STXBP6: variants seen among roughly 807,000 people sequenced by gnomAD.
STXBP6 encodes the protein syntaxin binding protein 6.
Under a neutral mutation model 26.9 loss-of-function variants are expected in STXBP6, and 21 were observed. The ratio of observed to expected loss-of-function variants is 0.78; its 90% CI spans 0.55 to 1.12. The LOEUF (loss-of-function observed/expected upper bound fraction) is 1.12, where lower values mean the gene tolerates loss of function less well. STXBP6 is among the 50% of genes most tolerant of loss of function. The pLI is 0.00. For synonymous variants in STXBP6, 97 were observed against 92.6 expected, an observed-to-expected ratio of 1.05 and a Z score of -0.27; for missense variants, 232 against 257.9, an observed-to-expected ratio of 0.90 and a Z score of 0.69.
At chr14:25,040,732 G>A (rs116207060) in intron 1 of STXBP6, among the ~76,000 whole-genome samples, 269 of 152,250 alleles carry the variant, frequency 1.8e-3, no homozygotes, top group African/African-American at 5.8e-3. Flanking sequence ...TGACAGACAC[G>A]CATAGTTTGT....
At chr14:24,932,384 A>G (rs1451467055) in intron 2 of STXBP6, among the ~76,000 whole-genome samples, 2 of 152,190 alleles carry the variant, frequency 1.3e-5, no homozygotes, top group African/African-American at 4.8e-5. Flanking sequence ...TTAGCCGGAC[A>G]TGGTGGTACA....
intron 1 of STXBP6, among the ~76,000 whole-genome samples, chr14:25,034,134 T>C (rs906058218): frequency 3.9e-5 from 6 of 152,192 alleles, no homozygotes; most frequent in Admixed American, 1.3e-4. Flanking sequence ...CCCTGTATGT[T>C]TGCTTTTGAT....
At chr14:24,915,471 C>T (rs1367895531) in intron 2 of STXBP6, among the ~76,000 whole-genome samples, 1 of 152,102 alleles carries the variant, frequency 6.6e-6, no homozygotes, top group Non-Finnish European at 1.5e-5. Flanking sequence ...AAACCAACCA[C>T]CATAAGATAC....
At chr14:24,974,589 A>G (rs1237976690) in intron 2 of STXBP6, 76 bp downstream of exon 2, 23 of 1,338,740 alleles carry the variant, frequency 1.7e-5, no homozygotes, top group Non-Finnish European at 2.3e-5. Flanking sequence ...GTGAATGTAA[A>G]CCTCCTGGAT....
chr14:24,966,278 G>A (rs572966052), intron 2 of STXBP6, among the ~76,000 whole-genome samples: 17 of 152,118 alleles, frequency 1.1e-4, no homozygotes, highest in Non-Finnish European at 2.2e-4. Context: ...TGAAGTCACT[G>A]ACAGCACATC....
intron 1 of STXBP6, among the ~76,000 whole-genome samples, chr14:25,000,814 A>G (rs533205224): frequency 1.3e-5 from 2 of 151,188 alleles, no homozygotes; most frequent in Admixed American, 6.6e-5. Context: ...GAATCCAGAC[A>G]GCCAGGCCTT....
At chr14:24,895,516 G>C (rs554192838) in intron 2 of STXBP6, among the ~76,000 whole-genome samples, 30 of 152,296 alleles carry the variant, frequency 2.0e-4, no homozygotes, top group African/African-American at 6.5e-4. Flanking sequence ...GCCACTCCTG[G>C]TGGTGTATCC....
intron 4 of STXBP6, among the ~76,000 whole-genome samples, chr14:24,842,688 G>A (rs1201275027): frequency 6.6e-6 from 1 of 151,002 alleles, no homozygotes; most frequent in Non-Finnish European, 1.5e-5. Context: ...AGCAAACAAA[G>A]GAAAAGATGA....
intron 2 of STXBP6, among the ~76,000 whole-genome samples, chr14:24,904,782 C>G (rs990001897): frequency 1.3e-5 from 2 of 152,160 alleles, no homozygotes; most frequent in Non-Finnish European, 2.9e-5. Flanking sequence ...GACTTCCAGC[C>G]TCCAGAACTG....
At chr14:24,856,217 G>T in intron 3 of STXBP6, 116 bp from the exon 4 acceptor site, 1 of 1,045,290 alleles carries the variant, frequency 9.6e-7, no homozygotes, top group Non-Finnish European at 1.3e-6. Context: ...GCAATCATAA[G>T]GCTCATCTTT....
chr14:24,862,070 T>G (rs2069558411), intron 2 of STXBP6, among the ~76,000 whole-genome samples: 1 of 152,184 alleles, frequency 6.6e-6, no homozygotes, highest in South Asian at 2.1e-4. Context: ...CAGTCATGAC[T>G]CAGTGCAGCC....
chr14:24,959,514 AC>A (rs1441854798), intron 2 of STXBP6, among the ~76,000 whole-genome samples: 1 of 152,226 alleles, frequency 6.6e-6, no homozygotes, highest in African/African-American at 2.4e-5. Flanking sequence ...GATATTTTTA[AC>A]AGTTCCCAAT....
intron 1 of STXBP6, among the ~76,000 whole-genome samples, chr14:24,997,997 T>TAA (rs1217309517): frequency 6.6e-6 from 1 of 152,334 alleles, no homozygotes; most frequent in African/African-American, 2.4e-5. Context: ...TTTTCAATGG[T>TAA]AAAAAATATA....
intron 1 of STXBP6, among the ~76,000 whole-genome samples, chr14:25,013,371 T>C (rs914828714): frequency 2.0e-5 from 3 of 152,164 alleles, no homozygotes; most frequent in Admixed American, 6.5e-5. Flanking sequence ...AGCTAATAAA[T>C]GGAGAAATGA....
intron 1 of STXBP6, among the ~76,000 whole-genome samples, chr14:25,019,561 C>A (rs988302458): frequency 4.6e-5 from 7 of 152,168 alleles, no homozygotes; most frequent in African/African-American, 1.4e-4. Flanking sequence ...GCCTGGTTGG[C>A]AGCAAAACTG....
intron 2 of STXBP6, among the ~76,000 whole-genome samples, chr14:24,928,568 C>T (rs959594747): frequency 3.3e-5 from 5 of 152,190 alleles, no homozygotes; most frequent in Non-Finnish European, 5.9e-5. Context: ...ACCTACCCAG[C>T]TTTTGACACC....
intron 2 of STXBP6, among the ~76,000 whole-genome samples, chr14:24,961,912 G>GA (rs1226145582): frequency 2.0e-5 from 3 of 151,818 alleles, no homozygotes; most frequent in Admixed American, 1.3e-4. Flanking sequence ...TACCAACCTA[G>GA]AAAAAAAACA....
chr14:24,855,792 G>T, intron 4 of STXBP6, 144 bp downstream of exon 4: 1 of 666,616 alleles, frequency 1.5e-6, no homozygotes, highest in Non-Finnish European at 2.3e-6. Flanking sequence ...AAACTCCCTG[G>T]AATGGTTCTT....
At chr14:24,899,200 T>G (rs2071112565) in intron 2 of STXBP6, among the ~76,000 whole-genome samples, 1 of 152,234 alleles carries the variant, frequency 6.6e-6, no homozygotes, top group Non-Finnish European at 1.5e-5. Flanking sequence ...TACATAAATT[T>G]GATTTCTAAA....
Sources: gnomAD v4.1 joint callset for allele counts (sites outside exome capture counted in the v4.1 genomes callset) on GRCh38, gnomAD v4.1.1 for gene constraint, MANE v1.5 for transcripts, NCBI Gene and HGNC (gene_info 2026-07-23, HGNC 2026-07-21) for gene names.